The following VCPKMT variants were observed in gnomAD, a reference collection of about 807,000 sequenced individuals.
VCPKMT encodes the protein valosin containing protein lysine methyltransferase, also known as protein N-lysine methyltransferase METTL21D.
VCPKMT carries 32 observed loss-of-function variants against 28.6 expected under a neutral mutation model. The ratio of observed to expected loss-of-function variants is 1.12; its 90% CI spans 0.84 to 1.50. VCPKMT has a LOEUF of 1.50. Ranked by LOEUF, VCPKMT falls within the 40% of genes most tolerant of loss-of-function variation. The pLI is 0.00. For synonymous variants in VCPKMT, 138 were observed against 111.4 expected (o/e 1.24, Z -1.50); for missense variants, 366 against 285.0 (o/e 1.28, Z -2.05).
At chr14:50,107,556 C>T (rs527400164), downstream of VCPKMT, among the ~76,000 whole-genome samples, 4 of 152,292 alleles carry the variant, frequency 2.6e-5, no homozygotes, top group East Asian at 5.8e-4. Flanking sequence ...TCAGGAGATC[C>T]GTCTGCCTCG....
At chr14:50,112,215 C>A in intron 5 of VCPKMT, 1 of 304,982 alleles carries the variant, frequency 3.3e-6, no homozygotes. Flanking sequence ...TAGAGCTATA[C>A]AATTTACGCC....
At chr14:50,106,980 A>G (rs766405933), downstream of VCPKMT, among the ~76,000 whole-genome samples, 2 of 152,210 alleles carry the variant, frequency 1.3e-5, no homozygotes, top group Admixed American at 6.5e-5. Flanking sequence ...TTGGCCTCCC[A>G]AAGTGCTGGG....
downstream of VCPKMT, among the ~76,000 whole-genome samples, chr14:50,108,272 T>C (rs1882410870): frequency 6.6e-6 from 1 of 151,252 alleles, no homozygotes; most frequent in African/African-American, 2.4e-5. Context: ...CTGGGTGGAC[T>C]ATTATAGTCA....
At chr14:50,112,590 A>G in intron 5 of VCPKMT, 25 bp downstream of exon 5, 1 of 1,424,768 alleles carries the variant, frequency 7.0e-7, no homozygotes, top group Non-Finnish European at 9.7e-7. Context: ...TCCTTGGAGA[A>G]TGAAGAACTG....
rs756722120 is a variant in VCPKMT at position 50,116,279 on chromosome 14, G to C, written c.266+8C>G. The C allele has an allele frequency of 3.7e-5, 59 of 1,595,036 alleles. No individual in the cohort carries two copies. The South Asian group carries it at 6.5e-4, about 18-fold the overall frequency. On this transcript the variant is annotated splice_region_variant and intron_variant, in intron 1 of 5. Coordinates refer to ENST00000395860, the MANE Select transcript of VCPKMT (RefSeq NM_024558.3). Reference sequence around the variant, plus strand: ...GCCCCCACATCCCGCCCGCCCGCCAGCTCTTACCCGAGGGTAGCAGCCATG... The same window carrying C: ...GCCCCCACATCCCGCCCGCCCGCCACCTCTTACCCGAGGGTAGCAGCCATG...
At chr14:50,102,824 T>C in the VCPKMT span, among the ~76,000 whole-genome samples, 1 of 152,238 alleles carries the variant, frequency 6.6e-6, no homozygotes, top group African/African-American at 2.4e-5. Flanking sequence ...TACTGTATTA[T>C]AGGTAATGTA....
rs191387548 is a variant in VCPKMT, at chr14:50,112,094, A to T, written c.675+521T>A. 1.2e-4 allele frequency: 114 copies of T among 982,514 alleles called. 1 individual carries two copies. The East Asian group carries it at 0.011, about 97-fold the overall frequency. The allele number at this position is 982,514 out of a possible 1,614,324, so 60.9% of individuals were successfully genotyped here. ...TTGTTGTATTTCATTTCCTGTAAAC[A>T]ATTTTTAATAAGGAAAAGTTCACAA... On this transcript the variant is annotated intron_variant, in intron 5 of 5. Transcript: ENST00000395860.
chr14:50,111,872 G>A (rs1882683748), intron 5 of VCPKMT: 2 of 967,690 alleles, frequency 2.1e-6, no homozygotes, highest in East Asian at 1.1e-4. Context: ...CTGGATGACA[G>A]AGTGAGACCC....
Position 50,116,439 on chromosome 14 carries a change from C to A in VCPKMT, c.114G>T (p.Val38=), listed in dbSNP as rs1883224425. 1 of 1,614,056 alleles carries A rather than the reference C, an allele frequency of 6.2e-7. No individual in the cohort carries two copies. The highest frequency in any genetic ancestry group is 2.2e-5 in the East Asian group (1 of 44,886). Residue 38 remains valine (V), a synonymous_variant, in exon 1 of 6, where the codon GTG becomes GTT. Transcript: ENST00000395860. ...LRLQQYSSGG[V]GCVVWDAAIV... Reference sequence around the variant, plus strand: ...TGGCAGCGTCCCACACAACGCAACCCACGCCACCGGAGCTATACTGCTGTA... The same window carrying A: ...TGGCAGCGTCCCACACAACGCAACCAACGCCACCGGAGCTATACTGCTGTA...
At chr14:50,113,915 C>CAGAACAAAAACA (rs1555366453) in intron 4 of VCPKMT, among the ~76,000 whole-genome samples, 1 of 150,878 alleles carries the variant, frequency 6.6e-6, no homozygotes, top group Non-Finnish European at 1.5e-5. Context: ...AACCCTGTCT[C>CAGAACAAAAACA]AAAACAAAAA....
downstream of VCPKMT, chr14:50,106,688 A>G (rs1882333356): frequency 1.0e-6 from 1 of 970,450 alleles, no homozygotes; most frequent in Non-Finnish European, 1.2e-6. Flanking sequence ...AAACATCTTG[A>G]ATCTCTAGTT....
chr14:50,111,913 A>G, intron 5 of VCPKMT: 2 of 984,998 alleles, frequency 2.0e-6, no homozygotes, highest in Non-Finnish European at 1.2e-6. Context: ...ATGAAGTACA[A>G]TTCTTCCCTC....
Position 50,109,582 on chromosome 14 carries a change from G to A in VCPKMT, c.*117C>T. On this transcript the variant is annotated 3_prime_UTR_variant, in exon 6 of 6. Transcript: ENST00000395860. ...CATCATCTATACATCGGATCTCTAAGGACGTGCCGGAAAAAAAAATCTGTG... is the reference window on the plus strand; with the variant it reads ...CATCATCTATACATCGGATCTCTAAAGACGTGCCGGAAAAAAAAATCTGTG... 2.1e-6 allele frequency: 3 copies of A among 1,446,502 alleles called. No homozygotes were observed. Among genetic ancestry groups the A allele is most frequent in the Non-Finnish European group, 2.7e-6 (3 of 1,103,358 alleles). The allele number at this position is 1,446,502 out of a possible 1,614,324, so 89.6% of individuals were successfully genotyped here. A position where few individuals can be genotyped will look rare whatever the true frequency, so the allele number is the denominator to read the frequency against.
intron 3 of VCPKMT, among the ~76,000 whole-genome samples, chr14:50,114,750 T>C (rs1304906669): frequency 6.6e-6 from 1 of 152,172 alleles, no homozygotes; most frequent in Non-Finnish European, 1.5e-5. Context: ...TTGAGGAGGC[T>C]GAATGGGAGG....
intron 5 of VCPKMT, chr14:50,111,370 T>G: frequency 1.0e-6 from 1 of 985,478 alleles, no homozygotes; most frequent in Non-Finnish European, 1.2e-6. Flanking sequence ...GCTGCCTTTT[T>G]ACTTAGATTT....
rs1437726674 is a variant in VCPKMT at position 50,112,602 on chromosome 14, G to A, written c.675+13C>T. 4 of 1,472,706 alleles carry A rather than the reference G, an allele frequency of 2.7e-6. No homozygotes were observed. The Admixed American group carries it at 5.9e-5, about 22-fold the overall frequency. 91.2% of individuals were successfully genotyped at this position (1,472,706 alleles called of 1,614,324 possible). On this transcript the variant is annotated intron_variant, in intron 5 of 5. Transcript: ENST00000395860. ...ACCTCCTTGGAGAATGAAGAACTGAGAATGTTATTTACCGATTTTTTCTTT... is the reference window on the plus strand; with the variant it reads ...ACCTCCTTGGAGAATGAAGAACTGAAAATGTTATTTACCGATTTTTTCTTT...
downstream of VCPKMT, among the ~76,000 whole-genome samples, chr14:50,105,609 T>G (rs1006575150): frequency 3.3e-5 from 5 of 152,310 alleles, no homozygotes; most frequent in African/African-American, 1.2e-4. Context: ...CCAGCCTGGG[T>G]GACAGAGTGA....
chr14:50,112,735 A>G lies in VCPKMT; in HGVS notation c.571-16T>C. ...GCTGAAGGAGCTATAAATTTAAAAG[A>G]GACATACTTCAAATTCAATAATATG... is the stretch of plus-strand genomic sequence containing the variant. On this transcript the variant is annotated splice_polypyrimidine_tract_variant and intron_variant, in intron 4 of 5. Coordinates refer to ENST00000395860, the MANE Select transcript of VCPKMT (RefSeq NM_024558.3). 1.3e-6 allele frequency: 2 copies of G among 1,511,014 alleles called. No individual in the cohort carries two copies. Among genetic ancestry groups the G allele is most frequent in the Non-Finnish European group, 1.8e-6 (2 of 1,110,984 alleles). 93.6% of individuals were successfully genotyped at this position (1,511,014 alleles called of 1,614,324 possible). A position where few individuals can be genotyped will look rare whatever the true frequency, so the allele number is the denominator to read the frequency against.
At chr14:50,111,174 T>TC in intron 5 of VCPKMT, 10 of 896,254 alleles carry the variant, frequency 1.1e-5, no homozygotes, top group Non-Finnish European at 1.3e-5. Flanking sequence ...AGAGTTTTTT[T>TC]TTTTGGCCGA....
Sources: gnomAD v4.1 joint callset for allele counts (sites outside exome capture counted in the v4.1 genomes callset) on GRCh38, gnomAD v4.1.1 for gene constraint, MANE v1.5 for transcripts, NCBI Gene and HGNC (gene_info 2026-07-23, HGNC 2026-07-21) for gene names.